Variants in SLIT2 observed in about 807,000 individuals in gnomAD.
The protein encoded by SLIT2 is slit guidance ligand 2.
In SLIT2, 41 loss-of-function variants were observed where a neutral mutation model predicts 185.7. The ratio of observed to expected loss-of-function variants is 0.22; its 90% CI spans 0.17 to 0.29. The LOEUF (loss-of-function observed/expected upper bound fraction) is 0.29. SLIT2 is among the 10% of genes least tolerant of loss of function. SLIT2 has a pLI of 1.00. For missense variants in SLIT2, 1,571 were observed against 1,909.0 expected, an observed-to-expected ratio of 0.82 and a Z score of 3.30; for synonymous variants, 693 against 680.2, an observed-to-expected ratio of 1.02 and a Z score of -0.29.
At chr4:20,390,539 T>C (rs1725329032) in intron 4 of SLIT2, among the ~76,000 whole-genome samples, 1 of 152,064 alleles carries the variant, frequency 6.6e-6, no homozygotes, top group South Asian at 2.1e-4. Flanking sequence ...TGAAACGTCA[T>C]TTGAAAAAGA....
chr4:20,391,929 G>T (rs1206245687), intron 4 of SLIT2, among the ~76,000 whole-genome samples: 1 of 152,026 alleles, frequency 6.6e-6, no homozygotes, highest in Non-Finnish European at 1.5e-5. Context: ...TAGGTAAGAG[G>T]AGAATGTGGG....
At chr4:20,401,233 G>A (rs1406345529) in intron 4 of SLIT2, among the ~76,000 whole-genome samples, 1 of 151,844 alleles carries the variant, frequency 6.6e-6, no homozygotes, top group Non-Finnish European at 1.5e-5. Context: ...TCACCACAAG[G>A]ACACTGTCTT....
At chr4:20,256,970 T>A (rs981155552) in intron 2 of SLIT2, among the ~76,000 whole-genome samples, 3 of 152,114 alleles carry the variant, frequency 2.0e-5, no homozygotes, top group Admixed American at 1.3e-4. Flanking sequence ...AGAAATGACC[T>A]CAGATCTTTG....
At chr4:20,492,797 C>T (rs957775415) in intron 9 of SLIT2, among the ~76,000 whole-genome samples, 62 of 152,124 alleles carry the variant, frequency 4.1e-4, no homozygotes, top group African/African-American at 1.3e-3. Flanking sequence ...CATTTTTAAC[C>T]AATTTATTTA....
At chr4:20,313,056 AATT>A in intron 4 of SLIT2, among the ~76,000 whole-genome samples, 1 of 152,110 alleles carries the variant, frequency 6.6e-6, no homozygotes, top group Non-Finnish European at 1.5e-5. Context: ...AAACCGTATT[AATT>A]TGGTAGATCG....
chr4:20,443,590 A>G lies in SLIT2; in HGVS notation c.396-24162A>G, dbSNP rs865997461. The stretch of plus-strand genomic sequence containing the variant: ...TAGCAGAGGAGAAAATCTAAAAAAA[A>G]AAAAAAAAAAAAAAAAAAAGAGTAA... On this transcript the variant is annotated intron_variant, in intron 4 of 36. Transcript: ENST00000504154. 6.0e-3 allele frequency among the ~76,000 whole-genome samples: 905 copies of G among 150,170 alleles called. 4 individuals are homozygous for G. Among genetic ancestry groups the G allele is most frequent in the African/African-American group, 0.021 (849 of 40,864 alleles).
chr4:20,556,781 G>A (rs879567315), intron 26 of SLIT2, among the ~76,000 whole-genome samples: 3 of 152,046 alleles, frequency 2.0e-5, no homozygotes, highest in Non-Finnish European at 2.9e-5. Flanking sequence ...GTTGAAAGCC[G>A]AGAGAGACCC....
chr4:20,291,515 T>A (rs1304125854), intron 4 of SLIT2, among the ~76,000 whole-genome samples: 54 of 122,896 alleles, frequency 4.4e-4, no homozygotes, highest in South Asian at 2.3e-3. Context: ...TTTTTTTTTT[T>A]TTTTTTTTAC....
At chr4:20,526,658 G>C (rs187016776) in intron 15 of SLIT2, among the ~76,000 whole-genome samples, 20 of 152,134 alleles carry the variant, frequency 1.3e-4, no homozygotes, top group African/African-American at 4.8e-4. Context: ...GTTTTTCCCT[G>C]TTACTGACAG....
intron 4 of SLIT2, among the ~76,000 whole-genome samples, chr4:20,419,903 A>G (rs952930995): frequency 8.6e-5 from 13 of 151,978 alleles, no homozygotes; most frequent in Admixed American, 2.0e-4. Context: ...GCCTATGTCT[A>G]CCCTTTCTTT....
chr4:20,330,360 A>G (rs1719960813), intron 4 of SLIT2, among the ~76,000 whole-genome samples: 1 of 152,138 alleles, frequency 6.6e-6, no homozygotes. Context: ...TGTGCAAAGT[A>G]TGAAATAAAA....
chr4:20,458,888 G>A lies in SLIT2; in HGVS notation c.396-8864G>A, dbSNP rs1324649988. 2.6e-5 allele frequency among the ~76,000 whole-genome samples: 4 copies of A among 152,174 alleles called. No homozygotes were observed. In the East Asian group the frequency reaches 5.8e-4, roughly 22 times the overall value. ...AATACAATGTGTTCCCTGGAAGTTA[G>A]TAGTTGCTCAATAAATGTTAGCTTT... is the stretch of plus-strand genomic sequence containing the variant. On this transcript the variant is annotated intron_variant, in intron 4 of 36. Coordinates refer to ENST00000504154, the MANE Select transcript of SLIT2 (RefSeq NM_004787.4).
intron 4 of SLIT2, among the ~76,000 whole-genome samples, chr4:20,410,529 C>T (rs1183883067): frequency 6.6e-6 from 1 of 151,824 alleles, no homozygotes; most frequent in Admixed American, 6.6e-5. Context: ...GCTGGGATTA[C>T]AGGTGTGAGC....
chr4:20,568,835 G>GT (rs1204199826), intron 28 of SLIT2, 30 bp from the exon 29 acceptor site: 3 of 1,600,288 alleles, frequency 1.9e-6, no homozygotes, highest in Non-Finnish European at 2.6e-6. Flanking sequence ...ACAAAAAGAT[G>GT]TTTTTTGCCT....
rs1409132848 is a variant in SLIT2, at chr4:20,254,450, A to G, written c.179+456A>G. ...AGGGGATAGCAGGGAGACTCAAAAG[A>G]GAGAAACTTGCCTTCCCCGATTTTT... is the stretch of plus-strand genomic sequence containing the variant. On this transcript the variant is annotated intron_variant, in intron 1 of 36. Coordinates refer to ENST00000504154, the MANE Select transcript of SLIT2 (RefSeq NM_004787.4). This position sits in a 1 kb window ranked among gnomAD's most constrained non-coding sequence, Gnocchi z 5.1. Among the ~76,000 whole-genome samples, 1 of 152,092 alleles carries G rather than the reference A, an allele frequency of 6.6e-6. No individual in the cohort carries two copies. The highest frequency in any genetic ancestry group is 1.5e-5 in the Non-Finnish European group (1 of 68,018).
chr4:20,583,178 C>G (rs923855382), intron 29 of SLIT2, among the ~76,000 whole-genome samples: 2 of 152,328 alleles, frequency 1.3e-5, no homozygotes, highest in South Asian at 4.1e-4. Flanking sequence ...TCTCCTCCTC[C>G]TCTCATACAT....
chr4:20,468,605 A>G (rs1363781088), intron 5 of SLIT2, among the ~76,000 whole-genome samples: 1 of 152,098 alleles, frequency 6.6e-6, no homozygotes, highest in East Asian at 1.9e-4. Context: ...CATAATATCA[A>G]TATCTCTCTA....
intron 6 of SLIT2, among the ~76,000 whole-genome samples, chr4:20,485,265 A>G (rs1162286061): frequency 3.3e-5 from 5 of 152,212 alleles, no homozygotes; most frequent in African/African-American, 9.6e-5. Flanking sequence ...AATTTGTCCA[A>G]TCATCTCCCC....
intron 18 of SLIT2, among the ~76,000 whole-genome samples, chr4:20,533,934 TAC>T (rs3049205): frequency 0.21 from 32,177 of 151,066 alleles, 3,804 homozygotes; most frequent in Middle Eastern, 0.34. Context: ...CGATGTGTGT[TAC>T]ACACACACAC....
Sources: gnomAD v4.1 joint callset for allele counts (sites outside exome capture counted in the v4.1 genomes callset) on GRCh38, gnomAD v4.1.1 for gene constraint, Gnocchi (gnomAD v3.1) non-coding constraint, MANE v1.5 for transcripts, NCBI Gene and HGNC (gene_info 2026-07-23, HGNC 2026-07-21) for gene names.